Variants in PCDHGA9 observed in about 807,000 individuals in gnomAD.
PCDHGA9 encodes the protein protocadherin gamma subfamily A, 9.
PCDHGA9 carries 37 observed loss-of-function variants against 62.5 expected under a neutral mutation model. That is an observed-to-expected ratio of 0.59 (90% CI 0.46 to 0.78). PCDHGA9 has a LOEUF of 0.78. Among genes scored for constraint, PCDHGA9 ranks in the 30% least tolerant of loss-of-function variants. The probability of loss-of-function intolerance (pLI) is 0.00; values close to 1 mark genes in which losing one functional copy is unlikely to be tolerated. For synonymous variants in PCDHGA9, 459 were observed against 484.6 expected, an observed-to-expected ratio of 0.95 and a Z score of 0.69; for missense variants, 1,138 against 1,166.2, an observed-to-expected ratio of 0.98 and a Z score of 0.35.
Position 141,409,742 on chromosome 5 carries a change from G to A in PCDHGA9, c.2424+4366G>A, listed in dbSNP as rs763304955. On this transcript the variant is annotated intron_variant, in intron 1 of 3. Coordinates refer to ENST00000573521, the MANE Select transcript of PCDHGA9 (RefSeq NM_018921.3). Reference sequence around the variant, plus strand: ...GTCAGTGAGCGCGCAGAGCGGGGTGGTGTTCGCGCAGCGCGCCTTTGATCA... The same window carrying A: ...GTCAGTGAGCGCGCAGAGCGGGGTGATGTTCGCGCAGCGCGCCTTTGATCA... 4.3e-6 allele frequency: 7 copies of A among 1,612,986 alleles called. No individual in the cohort carries two copies. In the South Asian group the frequency reaches 5.5e-5, roughly 13 times the overall value.
At chr5:141,508,096 G>A (rs1489615862) in intron 3 of PCDHGA9, 1 of 152,476 alleles carries the variant, frequency 6.6e-6, no homozygotes, top group African/African-American at 2.4e-5. Context: ...CCTTGGCCCT[G>A]GGATGGGGTA....
rs569220332 is a variant in PCDHGA9, at chr5:141,475,688, A to G, written c.2425-19119A>G. 2.0e-5 allele frequency among the ~76,000 whole-genome samples: 3 copies of G among 152,330 alleles called. No homozygotes were observed. In the South Asian group the frequency reaches 6.2e-4, roughly 32 times the overall value. On this transcript the variant is annotated intron_variant, in intron 1 of 3. Coordinates refer to ENST00000573521, the MANE Select transcript of PCDHGA9 (RefSeq NM_018921.3). ...TTTAATGAGTCTTGATTTGGATTGG[A>G]GACTTGCAGAACGGCTAGCCTCACA...
In PCDHGA9 at chr5:141,486,092, C is replaced by A; in HGVS notation, c.2425-8715C>A. Reference sequence around the variant, plus strand: ...TACTGGAAAGCTTACTCTTTTGGGGCCCCTAGACTTTGAGAGTGAGAATTA... The same window carrying A: ...TACTGGAAAGCTTACTCTTTTGGGGACCCTAGACTTTGAGAGTGAGAATTA... On this transcript the variant is annotated intron_variant, in intron 1 of 3. Coordinates refer to ENST00000573521, the MANE Select transcript of PCDHGA9 (RefSeq NM_018921.3). The surrounding 1 kb of genome is among the most constrained non-coding windows in gnomAD (Gnocchi z 5.0). 1.9e-6 allele frequency: 3 copies of A among 1,614,148 alleles called. No individual in the cohort carries two copies. Among genetic ancestry groups the A allele is most frequent in the Non-Finnish European group, 2.5e-6 (3 of 1,180,008 alleles).
At position 141,510,228 on chromosome 5, in the gene PCDHGA9, G is replaced by A. The variant is rs529723748; in HGVS notation, c.2573-719G>A. The stretch of plus-strand genomic sequence containing the variant: ...GCAGAGGTTGCAGTGAGCCGGGATC[G>A]CGCCACTGCACTCCAGGCTGGGCGA... On this transcript the variant is annotated intron_variant, in intron 3 of 3. Coordinates refer to ENST00000573521, the MANE Select transcript of PCDHGA9 (RefSeq NM_018921.3). Among the ~76,000 whole-genome samples the A allele has an allele frequency of 1.4e-3, 208 of 150,722 alleles. 1 individual carries two copies. Among genetic ancestry groups the A allele is most frequent in the African/African-American group, 4.7e-3 (193 of 40,860 alleles).
intron 2 of PCDHGA9, among the ~76,000 whole-genome samples, chr5:141,501,212 A>G (rs936235563): frequency 1.9e-4 from 29 of 150,770 alleles, no homozygotes; most frequent in Admixed American, 1.8e-3. Flanking sequence ...TGTCAGGGTG[A>G]CTTCCTAGAT....
chr5:141,419,777 C>T (rs976849391), intron 1 of PCDHGA9: 3 of 1,614,054 alleles, frequency 1.9e-6, no homozygotes, highest in Admixed American at 3.3e-5. Flanking sequence ...CTCGGTCCGC[C>T]AGCGCCTGCT....
intron 1 of PCDHGA9, chr5:141,479,198 GA>G (rs1288699377): frequency 6.6e-6 from 1 of 152,304 alleles, no homozygotes; most frequent in African/African-American, 2.4e-5. Context: ...AGAAAATACA[GA>G]AAAGTATTTA....
At chr5:141,498,881 T>C (rs9686648) in intron 2 of PCDHGA9, among the ~76,000 whole-genome samples, 77,838 of 149,554 alleles carry the variant, frequency 0.52, 20,828 homozygotes, top group African/African-American at 0.65. Flanking sequence ...TGCAGTGAGC[T>C]GAGATCACAC....
chr5:141,477,752 G>C lies in PCDHGA9; in HGVS notation c.2425-17055G>C. On this transcript the variant is annotated intron_variant, in intron 1 of 3. Coordinates refer to ENST00000573521, the MANE Select transcript of PCDHGA9 (RefSeq NM_018921.3). This position sits in a 1 kb window ranked among gnomAD's most constrained non-coding sequence, Gnocchi z 4.9. ...TCATATCAGCGATGGGGGCACCCCG[G>C]TCCTAGCCACCAACATCAGCGTGAA... The C allele has an allele frequency of 6.2e-7, 1 of 1,613,868 alleles. No homozygotes were observed.
intron 1 of PCDHGA9, chr5:141,417,490 T>C (rs1296739869): frequency 4.7e-6 from 1 of 210,618 alleles, no homozygotes; most frequent in Non-Finnish European, 9.3e-6. Context: ...AAGGAATCAC[T>C]GAGGAAAAAG....
rs559975786 is a variant in PCDHGA9, at chr5:141,406,591, A to G, written c.2424+1215A>G. Among the ~76,000 whole-genome samples, 5 of 152,282 alleles carry G rather than the reference A, an allele frequency of 3.3e-5. No homozygotes were observed. The East Asian group carries it at 9.6e-4, about 29-fold the overall frequency. On this transcript the variant is annotated intron_variant, in intron 1 of 3. Transcript: ENST00000573521. ...CTAGTAAACCAATTTTTTCCCTTTAATGGTGAAAGTTGTCACATCTTTTAT... is the reference window on the plus strand; with the variant it reads ...CTAGTAAACCAATTTTTTCCCTTTAGTGGTGAAAGTTGTCACATCTTTTAT...
At chr5:141,494,363 T>C (rs1264801258) in intron 1 of PCDHGA9, among the ~76,000 whole-genome samples, 1 of 152,206 alleles carries the variant, frequency 6.6e-6, no homozygotes, top group Non-Finnish European at 1.5e-5. Context: ...CTGCAGAGGA[T>C]GCTTTGTTCC....
At position 141,410,301 on chromosome 5, in the gene PCDHGA9, C is replaced by A. The variant is rs1294760427; in HGVS notation, c.2424+4925C>A. ...CTGGTGGTGGCCTTGGCCTTAATCT[C>A]AGTGCTCTTCCTCCTCGCCGTGATT... On this transcript the variant is annotated intron_variant, in intron 1 of 3. Transcript: ENST00000573521. 2.5e-6 allele frequency: 4 copies of A among 1,614,030 alleles called. No individual in the cohort carries two copies. In the Admixed American group the frequency reaches 6.7e-5, roughly 27 times the overall value.
chr5:141,414,023 A>G lies in PCDHGA9; in HGVS notation c.2424+8647A>G, dbSNP rs746044242. 5 of 1,612,692 alleles carry G rather than the reference A, an allele frequency of 3.1e-6. No homozygotes were observed. The highest frequency in any genetic ancestry group is 2.2e-5 in the East Asian group (1 of 44,836). ...GAAGGTGCCAATGGAGAAGTGACAT[A>G]TTCATTCCGAAAATTACCTGACACG... On this transcript the variant is annotated intron_variant, in intron 1 of 3. Transcript: ENST00000573521.
rs201160783 is a variant in PCDHGA9, at chr5:141,418,846, A to G, written c.2424+13470A>G. The G allele has an allele frequency of 7.4e-5, 120 of 1,613,976 alleles. No homozygotes were observed. In the East Asian group the frequency reaches 2.6e-3, roughly 34 times the overall value. On this transcript the variant is annotated intron_variant, in intron 1 of 3. Transcript: ENST00000573521. Reference sequence around the variant, plus strand: ...CAAAAGACCGAGGATCTCTCTCAACACGGTGTAAAGTAATTGTAGAAGTTG... The same window carrying G: ...CAAAAGACCGAGGATCTCTCTCAACGCGGTGTAAAGTAATTGTAGAAGTTG...
chr5:141,489,900 A>G lies in PCDHGA9; in HGVS notation c.2425-4907A>G, dbSNP rs963522810. The stretch of plus-strand genomic sequence containing the variant: ...TTACTGCTGTGGATGGGGGGACCCC[A>G]GCCCGCTCAGGGACCACCCTTATCT... On this transcript the variant is annotated intron_variant, in intron 1 of 3. Transcript: ENST00000573521. The surrounding 1 kb of genome is among the most constrained non-coding windows in gnomAD (Gnocchi z 4.5). The G allele has an allele frequency of 1.9e-6, 3 of 1,614,254 alleles. No homozygotes were observed. The highest frequency in any genetic ancestry group is 1.7e-5 in the Admixed American group (1 of 60,026).
At chr5:141,451,334 C>G (rs916812246) in intron 1 of PCDHGA9, among the ~76,000 whole-genome samples, 4 of 152,192 alleles carry the variant, frequency 2.6e-5, no homozygotes, top group Non-Finnish European at 4.4e-5. Context: ...AGGCTATTGT[C>G]TTATCTGAAG....
intron 1 of PCDHGA9, chr5:141,414,204 T>C (rs748616910): frequency 1.2e-6 from 2 of 1,612,266 alleles, no homozygotes; most frequent in East Asian, 2.2e-5. Flanking sequence ...CAGTAGAAGA[T>C]GTAAATGACA....
rs549051669 is a variant in PCDHGA9, at chr5:141,450,866, C to A, written c.2425-43941C>A. 4.7e-5 allele frequency among the ~76,000 whole-genome samples: 7 copies of A among 149,836 alleles called. No homozygotes were observed. In the East Asian group the frequency reaches 1.4e-3, roughly 29 times the overall value. On this transcript the variant is annotated intron_variant, in intron 1 of 3. Transcript: ENST00000573521. ...TTGAGATGGGGTCTTGCTCTGTCAC[C>A]CAGGCTGGTGTGCAGTGGTGCGATA...
Sources: allele counts gnomAD v4.1 joint callset (sites outside exome capture counted in the v4.1 genomes callset), GRCh38; gene constraint gnomAD v4.1.1; non-coding constraint Gnocchi (gnomAD v3.1); transcripts MANE v1.5; gene names NCBI Gene and HGNC (gene_info 2026-07-23, HGNC 2026-07-21).